NXN: variants seen among roughly 807,000 people sequenced by gnomAD.
NXN encodes nucleoredoxin 1.
A neutral mutation model predicts 48.6 loss-of-function variants in NXN; 16 were observed. The observed-to-expected ratio is 0.33, with a 90% CI of 0.22 to 0.50. The LOEUF is 0.50. Among genes scored for constraint, NXN ranks in the 20% least tolerant of loss-of-function variants. The probability of loss-of-function intolerance (pLI) is 0.98; values close to 1 mark genes in which losing one functional copy is unlikely to be tolerated. For missense variants in NXN, 492 were observed against 605.5 expected, an observed-to-expected ratio of 0.81 and a Z score of 1.97; for synonymous variants, 281 against 269.6, an observed-to-expected ratio of 1.04 and a Z score of -0.41.
intron 1 of NXN, among the ~76,000 whole-genome samples, chr17:878,890 T>C (rs1255810564): frequency 6.6e-6 from 1 of 152,094 alleles, no homozygotes; most frequent in Non-Finnish European, 1.5e-5. Context: ...ACAGGCCAGG[T>C]GCGGTGGCTC....
chr17:816,669 C>A (rs2144623660), intron 5 of NXN, among the ~76,000 whole-genome samples: 1 of 152,296 alleles, frequency 6.6e-6, no homozygotes, highest in East Asian at 1.9e-4. Flanking sequence ...CCTATACGCT[C>A]TGCAAAGGGC....
chr17:892,494 C>G (rs2068433802), intron 1 of NXN, among the ~76,000 whole-genome samples: 1 of 152,204 alleles, frequency 6.6e-6, no homozygotes, highest in South Asian at 2.1e-4. Context: ...ACCCCTCATC[C>G]AAACACCAGG....
At chr17:896,857 A>AGGGGGGG in intron 1 of NXN, 10 of 577,922 alleles carry the variant, frequency 1.7e-5, no homozygotes, top group Non-Finnish European at 2.7e-5. Context: ...GGTCCTGACC[A>AGGGGGGG]CCCGCCCCCG....
At chr17:810,282 A>ACGTTACGAGTCCGTGTGT (rs1911899415) in intron 5 of NXN, among the ~76,000 whole-genome samples, 1 of 129,274 alleles carries the variant, frequency 7.7e-6, no homozygotes, top group African/African-American at 2.9e-5. Context: ...CGAGTCTGTG[A>ACGTTACGAGTCCGTGTGT]GTGGCGTGCA....
At chr17:883,112 TG>T (rs1382572537) in intron 1 of NXN, among the ~76,000 whole-genome samples, 1 of 152,058 alleles carries the variant, frequency 6.6e-6, no homozygotes, top group Non-Finnish European at 1.5e-5. Context: ...CCTAGCTACT[TG>T]GGGAAGGCTA....
chr17:918,718 G>A (rs1342116423), intron 1 of NXN, among the ~76,000 whole-genome samples: 7 of 148,940 alleles, frequency 4.7e-5, no homozygotes, highest in African/African-American at 1.5e-4. Flanking sequence ...GCTTGCACCC[G>A]GGAGGCAGAG....
In NXN at chr17:849,518, CA is replaced by C. The variant is rs55751712; in HGVS notation, c.361-23441del. 2.3e-4 allele frequency among the ~76,000 whole-genome samples: 34 copies of C among 147,696 alleles called. No individual in the cohort carries two copies. Among genetic ancestry groups the C allele is most frequent in the South Asian group, 1.1e-3 (5 of 4,662 alleles). On this transcript the variant is annotated intron_variant, in intron 1 of 7. Transcript: ENST00000336868. This position sits in a 1 kb window ranked among gnomAD's most constrained non-coding sequence, Gnocchi z 4.2. Reference sequence around the variant, plus strand: ...ACTGCACTCCATCCTGGACGACAGACAAAAAAAAAAGATGGGAGCTTCCCAA... The same window carrying C: ...ACTGCACTCCATCCTGGACGACAGACAAAAAAAAAGATGGGAGCTTCCCAA...
chr17:971,677 T>C (rs929465591), intron 1 of NXN, among the ~76,000 whole-genome samples: 2 of 151,334 alleles, frequency 1.3e-5, no homozygotes, highest in African/African-American at 4.9e-5. Flanking sequence ...GCCACTGCAC[T>C]CCAGCCTGGG....
intron 1 of NXN, among the ~76,000 whole-genome samples, chr17:915,887 G>GCCACTTATGGTGTCAGAGCCGAAA (rs1479553480): frequency 2.0e-4 from 20 of 99,720 alleles, no homozygotes; most frequent in South Asian, 9.5e-4. Flanking sequence ...GGAACTTCCA[G>GCCACTTATGGTGTCAGAGCCGAAA]CTGCTCCCCC....
chr17:956,738 G>A lies in NXN; in HGVS notation c.360+22581C>T, dbSNP rs1436945983. On this transcript the variant is annotated intron_variant, in intron 1 of 7. Coordinates refer to ENST00000336868, the MANE Select transcript of NXN (RefSeq NM_022463.5). The surrounding 1 kb of genome is among the most constrained non-coding windows in gnomAD (Gnocchi z 4.1). ...CCAAGAGCTTTTTATATCAGTCATC[G>A]TCTTAAACCTCCACCGCAACCTGAC... is the stretch of plus-strand genomic sequence containing the variant. 1.3e-5 allele frequency among the ~76,000 whole-genome samples: 2 copies of A among 152,038 alleles called. No individual in the cohort carries two copies. Among genetic ancestry groups the A allele is most frequent in the Non-Finnish European group, 2.9e-5 (2 of 68,012 alleles).
At chr17:810,357 C>CTGTGAATGG (rs1911911261) in intron 5 of NXN, among the ~76,000 whole-genome samples, 1 of 151,884 alleles carries the variant, frequency 6.6e-6, no homozygotes, top group Non-Finnish European at 1.5e-5. Flanking sequence ...CGTTAAGAGT[C>CTGTGAATGG]CGTGTGAGTT....
chr17:807,555 G>C (rs1911635889), intron 5 of NXN, among the ~76,000 whole-genome samples: 2 of 152,246 alleles, frequency 1.3e-5, no homozygotes, highest in South Asian at 4.1e-4. Context: ...GCGGGGCCCA[G>C]GACAGCATGG....
In NXN at chr17:849,017, C is replaced by A. The variant is rs936292038; in HGVS notation, c.361-22939G>T. On this transcript the variant is annotated intron_variant, in intron 1 of 7. Coordinates refer to ENST00000336868, the MANE Select transcript of NXN (RefSeq NM_022463.5). This position sits in a 1 kb window ranked among gnomAD's most constrained non-coding sequence, Gnocchi z 4.2. ...TGTGCCAGACGGTATGGGGTCAGAT[C>A]AAGACAAAGGTCTTCGCCTTCGAGA... Among the ~76,000 whole-genome samples the A allele has an allele frequency of 1.3e-5, 2 of 152,214 alleles. No individual in the cohort carries two copies. Among genetic ancestry groups the A allele is most frequent in the Non-Finnish European group, 2.9e-5 (2 of 68,042 alleles).
chr17:973,488 G>A (rs1355017043), intron 1 of NXN, among the ~76,000 whole-genome samples: 1 of 152,088 alleles, frequency 6.6e-6, no homozygotes, highest in Non-Finnish European at 1.5e-5. Context: ...TGACTGAAAG[G>A]GTAACTTAAT....
intron 1 of NXN, among the ~76,000 whole-genome samples, chr17:923,220 C>G (rs1375547749): frequency 6.6e-6 from 1 of 152,148 alleles, no homozygotes; most frequent in African/African-American, 2.4e-5. Flanking sequence ...GTTTTTACTA[C>G]AACATCTCCA....
chr17:900,456 C>T (rs2663353), intron 1 of NXN, among the ~76,000 whole-genome samples: 1 of 151,606 alleles, frequency 6.6e-6, no homozygotes, highest in African/African-American at 2.4e-5. Context: ...CAGATTCCCA[C>T]CTCTTGCAGG....
chr17:877,445 C>T (rs571173489), intron 1 of NXN, among the ~76,000 whole-genome samples: 19 of 152,292 alleles, frequency 1.2e-4, no homozygotes, highest in East Asian at 3.9e-4. Context: ...CGCGCCCGGC[C>T]GCGACTGTGT....
chr17:862,765 T>C (rs188826789), intron 1 of NXN, among the ~76,000 whole-genome samples: 1 of 152,332 alleles, frequency 6.6e-6, no homozygotes, highest in Admixed American at 6.5e-5. Context: ...ATGTGGCTCC[T>C]GGTGAGATGC....
chr17:972,186 C>T (rs1196071601), intron 1 of NXN, among the ~76,000 whole-genome samples: 1 of 152,108 alleles, frequency 6.6e-6, no homozygotes, highest in African/African-American at 2.4e-5. Context: ...CCTATAATCC[C>T]AGCTACTCGG....
Sources: gnomAD v4.1 joint callset for allele counts (sites outside exome capture counted in the v4.1 genomes callset) on GRCh38, gnomAD v4.1.1 for gene constraint, Gnocchi (gnomAD v3.1) non-coding constraint, MANE v1.5 for transcripts, NCBI Gene and HGNC (gene_info 2026-07-23, HGNC 2026-07-21) for gene names.